LRRC57: variants seen among roughly 807,000 people sequenced by gnomAD.
LRRC57 encodes leucine rich repeat containing 57.
In LRRC57, 14 loss-of-function variants were observed where a neutral mutation model predicts 23.1. The ratio of observed to expected loss-of-function variants is 0.61; its 90% CI spans 0.40 to 0.95. The LOEUF is 0.95. LRRC57 is among the 40% of genes least tolerant of loss of function. LRRC57 has a pLI of 0.00. For missense variants in LRRC57, 236 were observed against 284.4 expected (o/e 0.83, Z 1.22); for synonymous variants, 106 against 115.2 (o/e 0.92, Z 0.51).
chr15:42,544,244 A>G (rs1195204007), intron 5 of LRRC57, 120 bp from the exon 6 acceptor site: 5 of 741,318 alleles, frequency 6.7e-6, no homozygotes, highest in Non-Finnish European at 8.9e-6. Flanking sequence ...CCTACAAAAT[A>G]TAACTGCTGT....
intron 4 of LRRC57, among the ~76,000 whole-genome samples, chr15:42,546,343 A>G (rs73406503): frequency 0.047 from 7,108 of 152,250 alleles, 559 homozygotes; most frequent in African/African-American, 0.16. Flanking sequence ...AGGTACTGGC[A>G]GAGGTGAATG....
rs1164646488 is a variant in LRRC57 at position 42,539,477 on chromosome 15, CAAAAAAAAAAAA to C, written c.*4594_*4605del. 4.6e-5 allele frequency: 2 copies of C among 43,662 alleles called. No individual in the cohort carries two copies. The highest frequency in any genetic ancestry group is 2.6e-3 in the South Asian group (2 of 764). 2.7% of individuals were successfully genotyped at this position (43,662 alleles called of 1,614,324 possible). A position where few individuals can be genotyped will look rare whatever the true frequency, so the allele number is the denominator to read the frequency against. On this transcript the variant is annotated 3_prime_UTR_variant, in exon 6 of 6. Coordinates refer to ENST00000397130, the MANE Select transcript of LRRC57 (RefSeq NM_153260.3). ...TGGGCGAAACAGACAGCCTCTGTCT[CAAAAAAAAAAAA>C]AAAAAAAAAGAGACTTAAAAGCCAG...
the LRRC57 span, among the ~76,000 whole-genome samples, chr15:42,531,206 A>G: frequency 6.6e-6 from 1 of 152,214 alleles, no homozygotes; most frequent in African/African-American, 2.4e-5. Context: ...GCAAGGTCTT[A>G]TATGTTACAC....
Position 42,548,185 on chromosome 15 carries a change from G to A in LRRC57, c.144C>T (p.Asn48=). The A allele has an allele frequency of 6.2e-7, 1 of 1,614,190 alleles. No individual in the cohort carries two copies. The highest frequency in any genetic ancestry group is 8.5e-7 in the Non-Finnish European group (1 of 1,180,002). The change falls in exon 3 of 6, where the codon AAC becomes AAT. Residue 48 remains asparagine, a synonymous_variant. Coordinates refer to ENST00000397130, the MANE Select transcript of LRRC57 (RefSeq NM_153260.3). ...GCAAAGGCGGTAGGCTTTCGATCTT[G>A]TTGTTGGACAAGTCGATGGTCCTGA... The part of the protein sequence containing the change: ...SNLRTIDLSN[N]KIESLPPLLI...
At chr15:42,547,626 T>G (rs2057667097) in intron 3 of LRRC57, 97 bp from the exon 4 acceptor site, 1 of 1,111,444 alleles carries the variant, frequency 9.0e-7, no homozygotes, top group East Asian at 2.4e-5. Flanking sequence ...GCTTCGCCTC[T>G]TGTTAATATA....
chr15:42,548,759 G>C lies in LRRC57; in HGVS notation c.-89C>G, dbSNP rs886614004. The C allele has an allele frequency of 2.6e-6, 2 of 759,116 alleles. No homozygotes were observed. Among genetic ancestry groups the C allele is most frequent in the South Asian group, 1.8e-5 (1 of 56,128 alleles). The allele number at this position is 759,116 out of a possible 1,614,324, so 47.0% of individuals were successfully genotyped here. A position where few individuals can be genotyped will look rare whatever the true frequency, so the allele number is the denominator to read the frequency against. ...CCAGGACCCGCAGTAGCCGGGATGC[G>C]CTCCCCGGCTTAGTCCCGGGCGGGA... is the stretch of plus-strand genomic sequence containing the variant. On this transcript the variant is annotated 5_prime_UTR_variant, in exon 1 of 6. Coordinates refer to ENST00000397130, the MANE Select transcript of LRRC57 (RefSeq NM_153260.3).
Position 42,545,161 on chromosome 15 carries a change from G to C in LRRC57, c.594C>G (p.Leu198=). Residue 198 remains leucine, a synonymous_variant, in exon 5 of 6, where the codon CTC becomes CTG. Transcript: ENST00000397130. The part of the protein sequence containing the change: ...LELSMLPQSI[L]SDSQICLLAV... ...CAAGCAGACAGATCTGGGAATCACT[G>C]AGGATGCTCTGGGGAAGCATGCTGA... 1 of 1,611,906 alleles carries C rather than the reference G, an allele frequency of 6.2e-7. No individual in the cohort carries two copies. Among genetic ancestry groups the C allele is most frequent in the Non-Finnish European group, 8.5e-7 (1 of 1,179,018 alleles).
At chr15:42,530,630 G>A in the LRRC57 span, among the ~76,000 whole-genome samples, 1 of 152,086 alleles carries the variant, frequency 6.6e-6, no homozygotes, top group Non-Finnish European at 1.5e-5. Context: ...TGTGCCTATT[G>A]TCCCAGTTAC....
At chr15:42,529,862 C>G in the LRRC57 span, 2 of 1,595,430 alleles carry the variant, frequency 1.3e-6, no homozygotes, top group African/African-American at 2.7e-5. Context: ...ACACCCAGTT[C>G]AGTGTTTCAG....
the LRRC57 span, chr15:42,531,434 A>G: frequency 6.3e-7 from 1 of 1,593,714 alleles, no homozygotes. Context: ...CAGAGATCGT[A>G]TTGATATTGC....
In LRRC57 at chr15:42,547,464, G is replaced by A. The variant is rs777024806; in HGVS notation, c.289C>T (p.Leu97Phe). The change falls in exon 4 of 6, where the codon CTT becomes TTT. Residue 97 changes from leucine to phenylalanine, a missense_variant. Leu to Phe is a conservative substitution (Grantham distance 22, BLOSUM62 0). Transcript: ENST00000397130. The part of the protein sequence containing the change: ...LETLSLNNNH[L>F]RELPSTFGQL... Reference sequence around the variant, plus strand: ...CCAAAGGTAGACGGCAGCTCTCTAAGGTGATTGTTGTTTAGGCTTAGCGTC... The same window carrying A: ...CCAAAGGTAGACGGCAGCTCTCTAAAGTGATTGTTGTTTAGGCTTAGCGTC... 1.9e-6 allele frequency: 3 copies of A among 1,614,004 alleles called. No individual in the cohort carries two copies. Among genetic ancestry groups the A allele is most frequent in the Middle Eastern group, 1.6e-4 (1 of 6,084 alleles).
chr15:42,536,468 C>T (rs762214866), downstream of LRRC57, among the ~76,000 whole-genome samples: 31 of 152,204 alleles, frequency 2.0e-4, no homozygotes, highest in African/African-American at 6.5e-4. Context: ...TCTGGTCAAG[C>T]ATCTCTGTGA....
chr15:42,531,586 G>A, the LRRC57 span: 3 of 779,134 alleles, frequency 3.9e-6, no homozygotes, highest in African/African-American at 3.5e-5. Flanking sequence ...CTAATTGGGA[G>A]ATAATATGGA....
In LRRC57 at chr15:42,542,246, A is replaced by C. The variant is rs1312087855; in HGVS notation, c.*1837T>G. The C allele has an allele frequency of 1.3e-5, 2 of 151,006 alleles. No individual in the cohort carries two copies. The highest frequency in any genetic ancestry group is 4.9e-5 in the African/African-American group (2 of 40,934). 9.4% of individuals were successfully genotyped at this position (151,006 alleles called of 1,614,324 possible). A position where few individuals can be genotyped will look rare whatever the true frequency, so the allele number is the denominator to read the frequency against. On this transcript the variant is annotated 3_prime_UTR_variant, in exon 6 of 6. Transcript: ENST00000397130. ...GTATTTTTAGTAGAGATGGGGTATC[A>C]CCACATTGGTCAGGCTGGTCTTGAA... is the stretch of plus-strand genomic sequence containing the variant.
the LRRC57 span, among the ~76,000 whole-genome samples, chr15:42,530,039 G>C: frequency 2.6e-5 from 4 of 152,272 alleles, no homozygotes; most frequent in Non-Finnish European, 5.9e-5. Context: ...GAATATAGTA[G>C]TTTTACTTAA....
rs780271394 is a variant in LRRC57, at chr15:42,544,135, T to A, written c.679-11A>T. The A allele has an allele frequency of 3.7e-6, 6 of 1,608,414 alleles. No individual in the cohort carries two copies. Among genetic ancestry groups the A allele is most frequent in the East Asian group, 2.2e-5 (1 of 44,788 alleles). ...GAACCTCTCCATGTACTAAAAAACA[T>A]GAAAGAATACATAAGGGGTATTTTG... On this transcript the variant is annotated splice_polypyrimidine_tract_variant and intron_variant, in intron 5 of 5. Transcript: ENST00000397130.
At position 42,544,517 on chromosome 15, in the gene LRRC57, AAAAT is replaced by A. The variant is rs201689891; in HGVS notation, c.679-397_679-394del. On this transcript the variant is annotated intron_variant, in intron 5 of 5. Transcript: ENST00000397130. ...ACAGAGTGAGACCTTGCCTCCAAAA[AAAAT>A]AAATAAATAAAGCACATAGGGCCGG... Among the ~76,000 whole-genome samples the A allele has an allele frequency of 8.8e-3, 1,339 of 151,632 alleles. 13 individuals carry two copies. Among genetic ancestry groups the A allele is most frequent in the African/African-American group, 0.031 (1,281 of 41,264 alleles).
intron 1 of LRRC57, 58 bp from the exon 2 acceptor site, chr15:42,548,514 G>T: frequency 3.5e-6 from 5 of 1,425,418 alleles, no homozygotes; most frequent in Non-Finnish European, 3.8e-6. Context: ...CTCCCGGCTG[G>T]GGCTCCTGCC....
the LRRC57 span, among the ~76,000 whole-genome samples, chr15:42,530,563 C>T: frequency 2.0e-5 from 3 of 152,046 alleles, 1 homozygote; most frequent in Admixed American, 2.0e-4. Context: ...AGTTTGAGAC[C>T]AGAGCAAGAC....
Sources: allele counts gnomAD v4.1 joint callset (sites outside exome capture counted in the v4.1 genomes callset), GRCh38; gene constraint gnomAD v4.1.1; transcripts MANE v1.5; gene names NCBI Gene and HGNC (gene_info 2026-07-23, HGNC 2026-07-21).